Variants in SINHCAF observed in about 807,000 individuals in gnomAD.
SINHCAF encodes the protein SIN3-HDAC complex-associated factor.
SINHCAF carries 3 observed loss-of-function variants against 25.8 expected under a neutral mutation model. The observed-to-expected ratio is 0.12, with a 90% CI of 0.05 to 0.30. The LOEUF is 0.30. Ranked by LOEUF, SINHCAF falls within the 10% of genes least tolerant of loss-of-function variation. The probability of loss-of-function intolerance (pLI) is 1.00; values close to 1 mark genes in which losing one functional copy is unlikely to be tolerated. For missense variants in SINHCAF, 121 were observed against 262.3 expected (o/e 0.46, Z 3.72); for synonymous variants, 70 against 85.5 (o/e 0.82, Z 1.00).
chr12:31,303,351 G>T, intron 1 of SINHCAF: 1 of 417,472 alleles, frequency 2.4e-6, no homozygotes, highest in Non-Finnish European at 3.2e-6. Context: ...CCACGTTGGA[G>T]GGAAAGAGGT....
At chr12:31,294,512 G>A (rs1175430989) in intron 3 of SINHCAF, among the ~76,000 whole-genome samples, 1 of 152,080 alleles carries the variant, frequency 6.6e-6, no homozygotes, top group Non-Finnish European at 1.5e-5. Context: ...TGAGTTACAC[G>A]ACAGCAATAG....
chr12:31,285,727 G>C lies in SINHCAF; in HGVS notation c.506+1907C>G, dbSNP rs757717281. Among the ~76,000 whole-genome samples, 175 of 152,116 alleles carry C rather than the reference G, an allele frequency of 1.2e-3. 2 individuals are homozygous for C. Among genetic ancestry groups the C allele is most frequent in the Non-Finnish European group, 2.5e-4 (17 of 68,018 alleles). ...GCAGTAACTCACACCTGTAATCCCA[G>C]CACTTTGGGAGGTCAAGGCAGGCAG... On this transcript the variant is annotated intron_variant, in intron 5 of 5. Transcript: ENST00000337682.
At chr12:31,290,586 G>A (rs1319041149) in intron 4 of SINHCAF, among the ~76,000 whole-genome samples, 2 of 152,168 alleles carry the variant, frequency 1.3e-5, no homozygotes, top group African/African-American at 4.8e-5. Flanking sequence ...TGAGTCTAGT[G>A]GGATGTTTAA....
At chr12:31,291,596 TCTA>T (rs1440282858) in intron 4 of SINHCAF, among the ~76,000 whole-genome samples, 1 of 152,138 alleles carries the variant, frequency 6.6e-6, no homozygotes, top group African/African-American at 2.4e-5. Flanking sequence ...AAACTCTGTC[TCTA>T]CTAAAAATAC....
intron 5 of SINHCAF, among the ~76,000 whole-genome samples, chr12:31,285,477 T>C (rs1432607496): frequency 1.3e-5 from 2 of 148,752 alleles, no homozygotes; most frequent in African/African-American, 4.9e-5. Context: ...TATTCGACAA[T>C]ATTGTATGAT....
chr12:31,306,106 T>C (rs1939016004), intron 1 of SINHCAF, among the ~76,000 whole-genome samples: 1 of 152,226 alleles, frequency 6.6e-6, no homozygotes, highest in Admixed American at 6.5e-5. Flanking sequence ...AATAAGATTT[T>C]ACCCACTACC....
In SINHCAF at chr12:31,281,897, G is replaced by A. The variant is rs1392829811; in HGVS notation, c.*815C>T. ...TTTAGAAATTACTTTCTCCTCCAAG[G>A]TATTTGCAACAGAAAGCTCAGTCTG... is the stretch of plus-strand genomic sequence containing the variant. On this transcript the variant is annotated 3_prime_UTR_variant, in exon 6 of 6. Coordinates refer to ENST00000337682, the MANE Select transcript of SINHCAF (RefSeq NM_001135812.2). 1.3e-5 allele frequency: 2 copies of A among 152,372 alleles called. No homozygotes were observed. Among genetic ancestry groups the A allele is most frequent in the South Asian group, 2.1e-4 (1 of 4,818 alleles). 9.4% of individuals were successfully genotyped at this position (152,372 alleles called of 1,614,324 possible).
chr12:31,312,808 T>C (rs1939326249), intron 1 of SINHCAF, among the ~76,000 whole-genome samples: 1 of 152,252 alleles, frequency 6.6e-6, no homozygotes, highest in Non-Finnish European at 1.5e-5. Flanking sequence ...TAGCTCTTTT[T>C]GCGTCCTGAT....
At chr12:31,306,454 T>C (rs1405094441) in intron 1 of SINHCAF, among the ~76,000 whole-genome samples, 1 of 152,158 alleles carries the variant, frequency 6.6e-6, no homozygotes, top group African/African-American at 2.4e-5. Flanking sequence ...ACTAGGATAA[T>C]GGGTTTATCA....
chr12:31,298,375 C>T (rs1417174949), intron 1 of SINHCAF, 151 bp from the exon 2 acceptor site: 1 of 756,534 alleles, frequency 1.3e-6, no homozygotes, highest in African/African-American at 1.7e-5. Flanking sequence ...CTGGATCGAC[C>T]TCCATTCTTG....
intron 3 of SINHCAF, among the ~76,000 whole-genome samples, chr12:31,294,449 G>A (rs1236837016): frequency 1.3e-5 from 2 of 152,092 alleles, no homozygotes; most frequent in Non-Finnish European, 2.9e-5. Flanking sequence ...TGGAATCAAG[G>A]TCTTCAGGCC....
intron 5 of SINHCAF, among the ~76,000 whole-genome samples, chr12:31,283,815 C>T (rs1463820168): frequency 6.9e-6 from 1 of 144,612 alleles, no homozygotes; most frequent in Non-Finnish European, 1.5e-5. Flanking sequence ...ATGGTTTCAC[C>T]GTATGTTGGC....
chr12:31,301,300 T>C (rs1938782417), intron 1 of SINHCAF, among the ~76,000 whole-genome samples: 2 of 152,222 alleles, frequency 1.3e-5, no homozygotes, highest in South Asian at 2.1e-4. Flanking sequence ...CTGAGGAATA[T>C]TCTTCTTAGA....
rs117000139 is a variant in SINHCAF at position 31,287,338 on chromosome 12, G to A, written c.506+296C>T. Among the ~76,000 whole-genome samples, 482 of 151,924 alleles carry A rather than the reference G, an allele frequency of 3.2e-3. 1 individual carries two copies. Among genetic ancestry groups the A allele is most frequent in the Non-Finnish European group, 5.4e-3 (370 of 67,982 alleles). On this transcript the variant is annotated intron_variant, in intron 5 of 5. Transcript: ENST00000337682. ...TTATCTCTAGTATATTTTTGGTCAC[G>A]TCTTTTTGAAGGACCAACTCTTAGT...
chr12:31,315,898 G>C (rs1220420191), intron 1 of SINHCAF, among the ~76,000 whole-genome samples: 1 of 152,174 alleles, frequency 6.6e-6, no homozygotes, highest in Non-Finnish European at 1.5e-5. Flanking sequence ...GGGCGTGGTG[G>C]CTCAAGCCTA....
At chr12:31,323,983 C>T (rs1180009752) in intron 1 of SINHCAF, 1 of 455,960 alleles carries the variant, frequency 2.2e-6, no homozygotes, top group South Asian at 1.5e-5. Context: ...ACTCCGGTGA[C>T]TGCCGAGAGA....
intron 4 of SINHCAF, among the ~76,000 whole-genome samples, chr12:31,289,800 GTTT>G (rs11303569): frequency 6.8e-6 from 1 of 146,412 alleles, no homozygotes; most frequent in African/African-American, 2.5e-5. Context: ...GAAAATTTGG[GTTT>G]TTTTTTTTTT....
intron 1 of SINHCAF, among the ~76,000 whole-genome samples, chr12:31,314,595 T>C (rs1446849875): frequency 2.0e-5 from 3 of 151,586 alleles, no homozygotes; most frequent in Non-Finnish European, 4.4e-5. Flanking sequence ...GAGGTACTTC[T>C]GAAGATTTTT....
At chr12:31,308,079 AC>A (rs1251338112) in intron 1 of SINHCAF, among the ~76,000 whole-genome samples, 2 of 152,198 alleles carry the variant, frequency 1.3e-5, no homozygotes, top group Non-Finnish European at 2.9e-5. Flanking sequence ...AACTGGGACT[AC>A]AGGCATTTTG....
Sources: allele counts gnomAD v4.1 joint callset (sites outside exome capture counted in the v4.1 genomes callset), GRCh38; gene constraint gnomAD v4.1.1; transcripts MANE v1.5; gene names NCBI Gene and HGNC (gene_info 2026-07-23, HGNC 2026-07-21).